Variants in FMN1 observed in about 807,000 individuals in gnomAD.
The protein encoded by FMN1 is formin 1, also known as formin-1.
In FMN1, 110 loss-of-function variants were observed where a neutral mutation model predicts 132.4. That is an observed-to-expected ratio of 0.83 (90% CI 0.71 to 0.97). The LOEUF is 0.97. FMN1 is among the 50% of genes least tolerant of loss of function. The pLI is 0.00. For synonymous variants in FMN1, 722 were observed against 651.7 expected (o/e 1.11, Z -1.64); for missense variants, 1,792 against 1,705.3 (o/e 1.05, Z -0.90).
intron 15 of FMN1, among the ~76,000 whole-genome samples, chr15:32,894,346 T>C (rs894621133): frequency 1.3e-5 from 2 of 151,958 alleles, no homozygotes; most frequent in Non-Finnish European, 2.9e-5. Flanking sequence ...AAATTAGGTG[T>C]GGTGGTGCAC....
chr15:33,152,815 A>AAG (rs1964498697), intron 4 of FMN1, among the ~76,000 whole-genome samples: 1 of 150,934 alleles, frequency 6.6e-6, no homozygotes, highest in East Asian at 1.9e-4. Context: ...AAAGAAATAA[A>AAG]AGACATTCAC....
At chr15:33,106,225 CAT>C (rs747319888) in intron 4 of FMN1, 5 of 151,814 alleles carry the variant, frequency 3.3e-5, no homozygotes, top group Non-Finnish European at 5.9e-5. Context: ...CTTAACATAC[CAT>C]AATGTTCTGT....
chr15:32,862,994 T>C (rs373954037), intron 16 of FMN1, among the ~76,000 whole-genome samples: 6 of 152,132 alleles, frequency 3.9e-5, no homozygotes, highest in African/African-American at 1.2e-4. Flanking sequence ...AGGACCGCCA[T>C]AGAAAATGGC....
chr15:32,780,723 T>C (rs1327658303), intron 19 of FMN1, among the ~76,000 whole-genome samples: 1 of 152,116 alleles, frequency 6.6e-6, no homozygotes, highest in African/African-American at 2.4e-5. Context: ...GAAGGGACTA[T>C]AGTGAGGAAA....
At chr15:32,993,246 G>A (rs1228765034) in intron 7 of FMN1, among the ~76,000 whole-genome samples, 1 of 152,168 alleles carries the variant, frequency 6.6e-6, no homozygotes, top group East Asian at 1.9e-4. Context: ...TGCTTTATAA[G>A]TCAAATAGGT....
chr15:32,824,933 T>A (rs903723516), intron 17 of FMN1, among the ~76,000 whole-genome samples: 4 of 152,242 alleles, frequency 2.6e-5, no homozygotes, highest in African/African-American at 9.6e-5. Flanking sequence ...CTGAATTGTC[T>A]ACCATAACAC....
At chr15:32,902,811 C>A (rs561048826) in intron 12 of FMN1, among the ~76,000 whole-genome samples, 1 of 152,142 alleles carries the variant, frequency 6.6e-6, no homozygotes, top group African/African-American at 2.4e-5. Context: ...ACTCTCCAGG[C>A]CAACCACCAG....
At chr15:33,115,167 G>A (rs1005247043) in intron 4 of FMN1, among the ~76,000 whole-genome samples, 2 of 152,104 alleles carry the variant, frequency 1.3e-5, no homozygotes, top group African/African-American at 4.8e-5. Flanking sequence ...GGAAAATGAA[G>A]AACTAAATAA....
chr15:33,113,408 CTTTCT>C (rs376876609), intron 4 of FMN1, among the ~76,000 whole-genome samples: 63 of 111,196 alleles, frequency 5.7e-4, no homozygotes, highest in African/African-American at 2.0e-3. Context: ...TCATTCCAGC[CTTTCT>C]TTCTTTACAA....
chr15:32,814,203 C>G (rs1448067149), intron 17 of FMN1, among the ~76,000 whole-genome samples: 5 of 152,280 alleles, frequency 3.3e-5, no homozygotes, highest in Non-Finnish European at 7.4e-5. Context: ...ATGTCTTTAA[C>G]TTATCACCAT....
intron 6 of FMN1, among the ~76,000 whole-genome samples, chr15:33,059,645 C>T (rs1189033616): frequency 2.0e-5 from 3 of 152,178 alleles, no homozygotes; most frequent in Admixed American, 2.0e-4. Context: ...ATAATTCCAA[C>T]TCATAATTAT....
intron 4 of FMN1, among the ~76,000 whole-genome samples, chr15:33,141,889 T>C (rs1161631340): frequency 6.6e-6 from 1 of 151,902 alleles, no homozygotes. Flanking sequence ...CTGGCAATGC[T>C]CCCAGCAGCG....
intron 4 of FMN1, among the ~76,000 whole-genome samples, chr15:33,124,387 C>T (rs145005792): frequency 0.017 from 2,519 of 152,310 alleles, 41 homozygotes; most frequent in Non-Finnish European, 0.027. Context: ...ACCCTCTGTA[C>T]ATTTCACCCC....
rs1054043528 is a variant in FMN1, at chr15:32,766,416, C to G, written c.*7894G>C. 1.1e-4 allele frequency: 17 copies of G among 152,248 alleles called. No individual in the cohort carries two copies. Among genetic ancestry groups the G allele is most frequent in the African/African-American group, 3.9e-4 (16 of 41,548 alleles). The allele number at this position is 152,248 out of a possible 1,614,324, so 9.4% of individuals were successfully genotyped here. A position where few individuals can be genotyped will look rare whatever the true frequency, so the allele number is the denominator to read the frequency against. On this transcript the variant is annotated 3_prime_UTR_variant, in exon 21 of 21. Coordinates refer to ENST00000616417, the MANE Select transcript of FMN1 (RefSeq NM_001277313.2). The stretch of plus-strand genomic sequence containing the variant: ...AGAAAGTTACTTGAGATTCAAAAAT[C>G]TGGCGTTCTGCATCATAGCTGGTGA...
chr15:32,863,592 T>C (rs2059326358), intron 16 of FMN1, among the ~76,000 whole-genome samples: 1 of 152,178 alleles, frequency 6.6e-6, no homozygotes, highest in Admixed American at 6.5e-5. Flanking sequence ...AGTGAATGGG[T>C]CACCAACTAA....
rs1338486187 is a variant in FMN1, at chr15:33,162,393, C to G, written c.-131-7348G>C. On this transcript the variant is annotated intron_variant, in intron 3 of 20. Coordinates refer to ENST00000616417, the MANE Select transcript of FMN1 (RefSeq NM_001277313.2). Reference sequence around the variant, plus strand: ...ACTACAATACACAGCAGAAAGAGACCTATAAGGTATCAAAGAACAAATCAG... The same window carrying G: ...ACTACAATACACAGCAGAAAGAGACGTATAAGGTATCAAAGAACAAATCAG... Among the ~76,000 whole-genome samples the G allele has an allele frequency of 2.0e-5, 3 of 151,308 alleles. No individual in the cohort carries two copies. In the East Asian group the frequency reaches 5.8e-4, roughly 29 times the overall value.
At chr15:33,137,311 C>A (rs951249321) in intron 4 of FMN1, among the ~76,000 whole-genome samples, 1 of 152,148 alleles carries the variant, frequency 6.6e-6, no homozygotes, top group Admixed American at 6.5e-5. Flanking sequence ...TTCACTGTTG[C>A]CTGCACTCAG....
intron 16 of FMN1, among the ~76,000 whole-genome samples, chr15:32,867,780 C>T (rs145176550): frequency 0.013 from 1,980 of 152,316 alleles, 16 homozygotes; most frequent in Non-Finnish European, 0.021. Context: ...CGTGAGCCAC[C>T]GCGCCCGGCC....
chr15:32,944,129 C>T (rs2061455264), intron 9 of FMN1, among the ~76,000 whole-genome samples: 1 of 152,220 alleles, frequency 6.6e-6, no homozygotes, highest in South Asian at 2.1e-4. Flanking sequence ...AGGGCAGGAC[C>T]ACAGCCATCT....
Sources: gnomAD v4.1 joint callset for allele counts (sites outside exome capture counted in the v4.1 genomes callset) on GRCh38, gnomAD v4.1.1 for gene constraint, MANE v1.5 for transcripts, NCBI Gene and HGNC (gene_info 2026-07-23, HGNC 2026-07-21) for gene names.